Variants in CNTN5 observed in about 807,000 individuals in gnomAD.
CNTN5 encodes the protein contactin-5.
Under a neutral mutation model 129.1 loss-of-function variants are expected in CNTN5, and 77 were observed. The observed-to-expected ratio is 0.60, with a 90% CI of 0.50 to 0.72. The LOEUF is 0.72. CNTN5 is among the 30% of genes least tolerant of loss of function. The pLI, the probability that CNTN5 is intolerant of heterozygous loss-of-function variation, is 0.00. For synonymous variants in CNTN5, 509 were observed against 465.6 expected (o/e 1.09, Z -1.20); for missense variants, 1,478 against 1,328.8 (o/e 1.11, Z -1.75).
chr11:99,467,864 A>G (rs1338681051), intron 2 of CNTN5, among the ~76,000 whole-genome samples: 3 of 151,896 alleles, frequency 2.0e-5, no homozygotes, highest in Admixed American at 6.6e-5. Flanking sequence ...TTTCTTCTCA[A>G]GCTGTTTCCT....
intron 1 of CNTN5, among the ~76,000 whole-genome samples, chr11:99,132,876 A>G: frequency 6.6e-6 from 1 of 152,138 alleles, no homozygotes; most frequent in East Asian, 1.9e-4. Context: ...ACTACAATTG[A>G]CATTCTTCAC....
At chr11:100,317,160 G>A (rs1019461705) in intron 21 of CNTN5, among the ~76,000 whole-genome samples, 19 of 152,146 alleles carry the variant, frequency 1.2e-4, no homozygotes, top group Admixed American at 4.6e-4. Context: ...GGGGAGAAGC[G>A]ACAAGGCTGT....
intron 1 of CNTN5, among the ~76,000 whole-genome samples, chr11:99,191,132 T>TGTA (rs1218343413): frequency 1.3e-5 from 2 of 151,812 alleles, no homozygotes; most frequent in Non-Finnish European, 3.0e-5. Context: ...TGTTGATGTG[T>TGTA]GTACCATATT....
chr11:100,100,596 T>G (rs1370071841), intron 13 of CNTN5, among the ~76,000 whole-genome samples: 2 of 152,078 alleles, frequency 1.3e-5, no homozygotes, highest in African/African-American at 4.8e-5. Flanking sequence ...TCACAGGAGG[T>G]ACCAAAACAA....
intron 3 of CNTN5, among the ~76,000 whole-genome samples, chr11:99,755,331 A>G (rs953341790): frequency 2.1e-4 from 32 of 152,118 alleles, no homozygotes; most frequent in African/African-American, 7.2e-4. Context: ...ACCATTTTGC[A>G]CTCCTGTCAG....
At chr11:99,711,072 C>T (rs1292747316) in intron 3 of CNTN5, among the ~76,000 whole-genome samples, 2 of 151,846 alleles carry the variant, frequency 1.3e-5, no homozygotes, top group African/African-American at 2.4e-5. Flanking sequence ...TTGTACATAA[C>T]CTATATAATA....
chr11:99,817,727 C>A (rs143573471), intron 3 of CNTN5, among the ~76,000 whole-genome samples: 246 of 149,996 alleles, frequency 1.6e-3, no homozygotes, highest in Non-Finnish European at 1.0e-3. Context: ...AAGGAAAACT[C>A]ATTCACTTTT....
intron 1 of CNTN5, among the ~76,000 whole-genome samples, chr11:99,221,323 T>G (rs1212718485): frequency 6.6e-6 from 1 of 151,988 alleles, no homozygotes. Context: ...TTTCTCAGGC[T>G]ATCTCAGAGA....
At chr11:99,163,535 T>C (rs748656356) in intron 1 of CNTN5, among the ~76,000 whole-genome samples, 5 of 152,160 alleles carry the variant, frequency 3.3e-5, no homozygotes, top group African/African-American at 9.6e-5. Context: ...CATTAGATTC[T>C]CCATTTTAAC....
chr11:99,351,491 C>T (rs1430839111), intron 2 of CNTN5, among the ~76,000 whole-genome samples: 1 of 152,146 alleles, frequency 6.6e-6, no homozygotes, highest in Non-Finnish European at 1.5e-5. Flanking sequence ...TTTTATGTTC[C>T]TTTCATTTTA....
chr11:100,170,304 A>G (rs1947785787), intron 13 of CNTN5, among the ~76,000 whole-genome samples: 2 of 152,136 alleles, frequency 1.3e-5, no homozygotes, highest in South Asian at 2.1e-4. Flanking sequence ...TGTTTGCACT[A>G]TGTCAATTTT....
intron 15 of CNTN5, among the ~76,000 whole-genome samples, chr11:100,199,694 T>A (rs927903903): frequency 1.3e-5 from 2 of 151,712 alleles, no homozygotes; most frequent in African/African-American, 4.9e-5. Flanking sequence ...CGAAAGCAAA[T>A]AAGAATGTCC....
intron 1 of CNTN5, among the ~76,000 whole-genome samples, chr11:99,300,415 A>G (rs777186323): frequency 2.0e-5 from 3 of 152,024 alleles, no homozygotes; most frequent in Non-Finnish European, 2.9e-5. Flanking sequence ...GTGGTGAATT[A>G]CATTTATTGT....
chr11:99,872,294 G>A (rs2135816560), intron 6 of CNTN5, among the ~76,000 whole-genome samples: 1 of 152,090 alleles, frequency 6.6e-6, no homozygotes, highest in South Asian at 2.1e-4. Context: ...ATATTTTGTG[G>A]TGAATTCATC....
intron 13 of CNTN5, among the ~76,000 whole-genome samples, chr11:100,165,657 A>G (rs1436923199): frequency 2.0e-5 from 3 of 151,796 alleles, no homozygotes; most frequent in Non-Finnish European, 4.4e-5. Context: ...CTTCCATCAC[A>G]TAACCAAAAT....
chr11:99,640,165 T>C (rs1951718087), intron 3 of CNTN5, among the ~76,000 whole-genome samples: 1 of 152,166 alleles, frequency 6.6e-6, no homozygotes, highest in Non-Finnish European at 1.5e-5. Context: ...TTCTGAGCCC[T>C]CCAAACTGTT....
chr11:100,235,239 A>T (rs1949584178), intron 16 of CNTN5, among the ~76,000 whole-genome samples: 1 of 152,128 alleles, frequency 6.6e-6, no homozygotes, highest in Non-Finnish European at 1.5e-5. Context: ...TTCTGAACGC[A>T]TTCTGTTTCC....
chr11:99,414,034 T>C (rs1443809887), intron 2 of CNTN5, among the ~76,000 whole-genome samples: 1 of 152,186 alleles, frequency 6.6e-6, no homozygotes, highest in African/African-American at 2.4e-5. Flanking sequence ...GTTCAACAAA[T>C]AGATACAAAA....
intron 6 of CNTN5, among the ~76,000 whole-genome samples, chr11:99,876,784 A>G (rs1332441863): frequency 6.6e-6 from 1 of 152,164 alleles, no homozygotes. Context: ...AATGAGGCTC[A>G]GATATATTAA....
Sources: allele counts gnomAD v4.1 joint callset (sites outside exome capture counted in the v4.1 genomes callset), GRCh38; gene constraint gnomAD v4.1.1; transcripts MANE v1.5; gene names NCBI Gene and HGNC (gene_info 2026-07-23, HGNC 2026-07-21).